The following SETBP1 variants were observed in gnomAD, a reference collection of about 807,000 sequenced individuals.
SETBP1 encodes the protein SET-binding protein.
A neutral mutation model predicts 101.0 loss-of-function variants in SETBP1; 9 were observed. That is an observed-to-expected ratio of 0.09 (90% CI 0.05 to 0.16). The LOEUF is 0.16. Among genes scored for constraint, SETBP1 ranks in the 10% least tolerant of loss-of-function variants. The pLI is 1.00. For missense variants in SETBP1, 1,858 were observed against 2,033.8 expected, an observed-to-expected ratio of 0.91 and a Z score of 1.66; for synonymous variants, 818 against 788.5, an observed-to-expected ratio of 1.04 and a Z score of -0.63.
At chr18:44,800,923 C>T (rs2071593845) in intron 2 of SETBP1, among the ~76,000 whole-genome samples, 1 of 152,126 alleles carries the variant, frequency 6.6e-6, no homozygotes, top group Non-Finnish European at 1.5e-5. Flanking sequence ...AAATGTGGCA[C>T]ATATACACCA....
chr18:44,923,619 AAATTAAGTAG>A (rs1188947475), intron 3 of SETBP1, among the ~76,000 whole-genome samples: 2 of 152,214 alleles, frequency 1.3e-5, no homozygotes, highest in African/African-American at 2.4e-5. Flanking sequence ...TTTGGGGGAA[AAATTAAGTAG>A]AATTAAGCAG....
At chr18:44,947,848 G>C (rs997530540) in intron 3 of SETBP1, among the ~76,000 whole-genome samples, 5 of 152,112 alleles carry the variant, frequency 3.3e-5, no homozygotes, top group African/African-American at 9.7e-5. Flanking sequence ...AACCTTCAAG[G>C]TGCTCCAGTA....
intron 3 of SETBP1, among the ~76,000 whole-genome samples, chr18:44,920,167 C>T (rs1428219582): frequency 6.6e-6 from 1 of 152,154 alleles, no homozygotes; most frequent in Non-Finnish European, 1.5e-5. Flanking sequence ...CTGCAACCCT[C>T]AGAAAGGAAC....
intron 1 of SETBP1, among the ~76,000 whole-genome samples, chr18:44,699,356 T>C (rs527970719): frequency 1.9e-4 from 29 of 152,302 alleles, no homozygotes; most frequent in African/African-American, 5.8e-4. Context: ...CTAAGGTACA[T>C]TGATGTCTCC....
chr18:45,031,003 C>G (rs1264135140), intron 4 of SETBP1, among the ~76,000 whole-genome samples: 1 of 151,822 alleles, frequency 6.6e-6, no homozygotes, highest in Admixed American at 6.6e-5. Context: ...TTTTGTGTCT[C>G]TATTTCCTTC....
chr18:44,744,912 A>G (rs542990860), intron 2 of SETBP1, among the ~76,000 whole-genome samples: 1 of 151,758 alleles, frequency 6.6e-6, no homozygotes, highest in African/African-American at 2.4e-5. Flanking sequence ...GGGTGGCGGG[A>G]TGTCGGATTG....
At chr18:44,919,794 TAC>T (rs1188930362) in intron 3 of SETBP1, among the ~76,000 whole-genome samples, 2 of 152,038 alleles carry the variant, frequency 1.3e-5, no homozygotes, top group African/African-American at 4.8e-5. Context: ...CATATGCATA[TAC>T]ACACATATGC....
At chr18:44,978,859 A>G (rs1439267979) in intron 4 of SETBP1, among the ~76,000 whole-genome samples, 9 of 152,204 alleles carry the variant, frequency 5.9e-5, no homozygotes, top group Admixed American at 5.9e-4. Flanking sequence ...ACATTGAAAA[A>G]AAATATTTAA....
At chr18:44,844,677 C>T (rs528122748) in intron 2 of SETBP1, among the ~76,000 whole-genome samples, 18 of 152,052 alleles carry the variant, frequency 1.2e-4, no homozygotes, top group East Asian at 1.9e-4. Flanking sequence ...TACCAACAAG[C>T]GGGAGGGGCA....
At chr18:44,856,727 T>C (rs951083388) in intron 2 of SETBP1, among the ~76,000 whole-genome samples, 17 of 152,194 alleles carry the variant, frequency 1.1e-4, no homozygotes, top group African/African-American at 3.6e-4. Context: ...TTTGTTATAG[T>C]TGGAGTGCTT....
At chr18:44,979,605 G>A (rs2072066793) in intron 4 of SETBP1, among the ~76,000 whole-genome samples, 1 of 152,178 alleles carries the variant, frequency 6.6e-6, no homozygotes, top group South Asian at 2.1e-4. Context: ...CTGAAATTTT[G>A]AGTCATTGAT....
intron 3 of SETBP1, among the ~76,000 whole-genome samples, chr18:44,930,552 A>C (rs1273996547): frequency 6.6e-6 from 1 of 152,186 alleles, no homozygotes; most frequent in African/African-American, 2.4e-5. Flanking sequence ...TTCAGCTGTG[A>C]ATCCATCTGG....
intron 5 of SETBP1, among the ~76,000 whole-genome samples, chr18:45,058,619 A>G (rs1164349349): frequency 6.6e-6 from 1 of 152,214 alleles, no homozygotes; most frequent in Non-Finnish European, 1.5e-5. Context: ...AATCGTTTCT[A>G]CTGTACCATA....
At chr18:44,879,705 T>C (rs1034191210) in intron 3 of SETBP1, among the ~76,000 whole-genome samples, 13 of 152,132 alleles carry the variant, frequency 8.5e-5, no homozygotes, top group African/African-American at 3.1e-4. Flanking sequence ...TGATAAACAC[T>C]GTAGTCCTGG....
At chr18:44,963,850 A>C (rs9958400) in intron 4 of SETBP1, among the ~76,000 whole-genome samples, 7,401 of 143,568 alleles carry the variant, frequency 0.052, 667 homozygotes, top group African/African-American at 0.18. Context: ...CGATTGTGCC[A>C]CTACATGACA....
At chr18:45,039,423 C>A (rs143156636) in intron 5 of SETBP1, among the ~76,000 whole-genome samples, 1 of 152,266 alleles carries the variant, frequency 6.6e-6, no homozygotes, top group East Asian at 1.9e-4. Context: ...GTGGAGACAG[C>A]CTTACTCAAT....
chr18:44,721,877 G>T (rs55875953), intron 2 of SETBP1, among the ~76,000 whole-genome samples: 45,989 of 152,032 alleles, frequency 0.3, 8,249 homozygotes, highest in East Asian at 0.65. Context: ...AAGCAGAGAA[G>T]CTACCTAAGC....
At chr18:44,792,984 A>G (rs2071398836) in intron 2 of SETBP1, among the ~76,000 whole-genome samples, 1 of 152,194 alleles carries the variant, frequency 6.6e-6, no homozygotes, top group African/African-American at 2.4e-5. Flanking sequence ...CCTTCCAACT[A>G]CGAGTGGTCC....
In SETBP1 at chr18:44,701,257, T is replaced by C. The variant is rs2069110367; in HGVS notation, c.-90T>C. On this transcript the variant is annotated 5_prime_UTR_variant, in exon 2 of 6. Transcript: ENST00000649279. Reference sequence around the variant, plus strand: ...CCTAGCAACTGGACCACTTTGTTCTTGGAATTTTGGGTGTCCTCTTTTCTC... The same window carrying C: ...CCTAGCAACTGGACCACTTTGTTCTCGGAATTTTGGGTGTCCTCTTTTCTC... 3 of 1,412,462 alleles carry C rather than the reference T, an allele frequency of 2.1e-6. No homozygotes were observed. The African/African-American group carries it at 4.3e-5, about 20-fold the overall frequency. The allele number at this position is 1,412,462 out of a possible 1,614,324, so 87.5% of individuals were successfully genotyped here. A position where few individuals can be genotyped will look rare whatever the true frequency, so the allele number is the denominator to read the frequency against.
Sources: gnomAD v4.1 joint callset for allele counts (sites outside exome capture counted in the v4.1 genomes callset) on GRCh38, gnomAD v4.1.1 for gene constraint, MANE v1.5 for transcripts, NCBI Gene and HGNC (gene_info 2026-07-23, HGNC 2026-07-21) for gene names.